The following IGF1R variants were observed in gnomAD, a reference collection of about 807,000 sequenced individuals.
IGF1R encodes the protein insulin like growth factor 1 receptor.
Under a neutral mutation model 144.6 loss-of-function variants are expected in IGF1R, and 44 were observed. That is an observed-to-expected ratio of 0.30 (90% CI 0.24 to 0.39). The LOEUF is 0.39. Ranked by LOEUF, IGF1R falls within the 10% of genes least tolerant of loss-of-function variation. The pLI is 1.00. For missense variants in IGF1R, 1,355 were observed against 1,833.7 expected, an observed-to-expected ratio of 0.74 and a Z score of 4.77; for synonymous variants, 795 against 722.8, an observed-to-expected ratio of 1.10 and a Z score of -1.60.
At chr15:98,768,402 G>T (rs1327917619) in intron 2 of IGF1R, among the ~76,000 whole-genome samples, 2 of 151,610 alleles carry the variant, frequency 1.3e-5, no homozygotes, top group East Asian at 3.9e-4. Context: ...GGATCATGCT[G>T]TCAGGAGATC....
intron 4 of IGF1R, among the ~76,000 whole-genome samples, chr15:98,898,033 G>A (rs1596411313): frequency 6.6e-6 from 1 of 151,954 alleles, no homozygotes; most frequent in Admixed American, 6.6e-5. Context: ...AGAAAGGACA[G>A]AAACAAGTTT....
At chr15:98,796,920 G>A (rs1202455726) in intron 2 of IGF1R, among the ~76,000 whole-genome samples, 7 of 152,206 alleles carry the variant, frequency 4.6e-5, no homozygotes, top group Non-Finnish European at 8.8e-5. Context: ...GACTCCTGTT[G>A]GCTTGTGGAG....
At chr15:98,874,227 G>C (rs1438240284) in intron 2 of IGF1R, among the ~76,000 whole-genome samples, 1 of 152,134 alleles carries the variant, frequency 6.6e-6, no homozygotes, top group East Asian at 1.9e-4. Context: ...TGAAGCAGAA[G>C]AAAAAAGTGG....
rs116751911 is a variant in IGF1R, at chr15:98,688,120, A to G, written c.95-19442A>G. On this transcript the variant is annotated intron_variant, in intron 1 of 20. Transcript: ENST00000650285. ...GCCTGCACCTTACTGAAGGAAGGAC[A>G]TGGTGGCTTCTCAGTGTGCTCTCTG... Among the ~76,000 whole-genome samples, 782 of 152,302 alleles carry G rather than the reference A, an allele frequency of 5.1e-3. 5 individuals are homozygous for G. The highest frequency in any genetic ancestry group is 0.018 in the African/African-American group (752 of 41,574).
rs112367371 is a variant in IGF1R, at chr15:98,817,495, G to T, written c.641-73830G>T. Among the ~76,000 whole-genome samples the T allele has an allele frequency of 1.1e-3, 168 of 152,126 alleles. 1 individual carries two copies. Among genetic ancestry groups the T allele is most frequent in the African/African-American group, 3.6e-3 (151 of 41,504 alleles). ...GTGTGGTTGAGGGGTGCTGTATTAC[G>T]CTGGGTAGTCATTGAGGCCTCTGTG... is the stretch of plus-strand genomic sequence containing the variant. On this transcript the variant is annotated intron_variant, in intron 2 of 20. Transcript: ENST00000650285.
chr15:98,834,862 T>C (rs534790826), intron 2 of IGF1R, among the ~76,000 whole-genome samples: 1 of 152,290 alleles, frequency 6.6e-6, no homozygotes, highest in African/African-American at 2.4e-5. Context: ...CAGAGGTATA[T>C]GCTATTACTT....
chr15:98,899,355 G>A, intron 4 of IGF1R, 122 bp from the exon 5 acceptor site: 1 of 955,564 alleles, frequency 1.0e-6, no homozygotes, highest in Admixed American at 1.9e-5. Context: ...AGCCAGTCCT[G>A]TGCTGGGAGC....
At chr15:98,800,169 T>G (rs531130719) in intron 2 of IGF1R, among the ~76,000 whole-genome samples, 1 of 152,232 alleles carries the variant, frequency 6.6e-6, no homozygotes, top group South Asian at 2.1e-4. Context: ...ACCAGCCTCC[T>G]TGGCCCTTCT....
intron 5 of IGF1R, among the ~76,000 whole-genome samples, chr15:98,905,472 A>T (rs2014687540): frequency 6.6e-6 from 1 of 151,864 alleles, no homozygotes; most frequent in South Asian, 2.1e-4. Flanking sequence ...CCAGGGCAAC[A>T]TAGTGAGATA....
intron 5 of IGF1R, among the ~76,000 whole-genome samples, chr15:98,903,363 C>A (rs1407280869): frequency 6.6e-6 from 1 of 152,150 alleles, no homozygotes; most frequent in Non-Finnish European, 1.5e-5. Flanking sequence ...TTGAAATTCG[C>A]GGATAGGCAT....
intron 2 of IGF1R, among the ~76,000 whole-genome samples, chr15:98,855,374 T>C (rs1227627756): frequency 1.3e-5 from 2 of 152,340 alleles, no homozygotes; most frequent in East Asian, 1.9e-4. Context: ...GAGGGAGTTA[T>C]GAGGATTAAC....
intron 6 of IGF1R, among the ~76,000 whole-genome samples, chr15:98,910,784 G>A (rs922437189): frequency 2.6e-5 from 4 of 152,162 alleles, no homozygotes; most frequent in Non-Finnish European, 5.9e-5. Context: ...GAGTTCCTGT[G>A]TCCTTCCAGT....
intron 2 of IGF1R, among the ~76,000 whole-genome samples, chr15:98,857,282 G>A (rs2011875690): frequency 1.3e-5 from 2 of 152,098 alleles, no homozygotes; most frequent in African/African-American, 2.4e-5. Flanking sequence ...GCAGTGGTGC[G>A]ATCTCGGCTC....
chr15:98,807,500 A>C (rs763767444), intron 2 of IGF1R, among the ~76,000 whole-genome samples: 13 of 152,192 alleles, frequency 8.5e-5, no homozygotes, highest in African/African-American at 3.1e-4. Flanking sequence ...GACTCCTGGC[A>C]TAGTTTTAGG....
chr15:98,821,112 G>A (rs954521171), intron 2 of IGF1R, among the ~76,000 whole-genome samples: 4 of 152,148 alleles, frequency 2.6e-5, no homozygotes, highest in South Asian at 2.1e-4. Flanking sequence ...ATGGATAAAC[G>A]AAGATAGATA....
intron 1 of IGF1R, among the ~76,000 whole-genome samples, chr15:98,655,606 G>A (rs1322903308): frequency 6.6e-6 from 1 of 151,134 alleles, no homozygotes; most frequent in Non-Finnish European, 1.5e-5. Context: ...AGTTTTTAAA[G>A]ATACCCGTCA....
In IGF1R at chr15:98,649,569, C is replaced by A. The variant is rs753085217; in HGVS notation, c.-13C>A. The A allele has an allele frequency of 2.2e-6, 3 of 1,348,712 alleles. No homozygotes were observed. Among genetic ancestry groups the A allele is most frequent in the Admixed American group, 3.6e-5 (2 of 55,098 alleles). The allele number at this position is 1,348,712 out of a possible 1,614,324, so 83.5% of individuals were successfully genotyped here. A position where few individuals can be genotyped will look rare whatever the true frequency, so the allele number is the denominator to read the frequency against. Reference sequence around the variant, plus strand: ...TTTTTTGAGAAAGGGGAATTTCATCCCAAATAAAAGGAATGAAGTCTGGCT... The same window carrying A: ...TTTTTTGAGAAAGGGGAATTTCATCACAAATAAAAGGAATGAAGTCTGGCT... On this transcript the variant is annotated 5_prime_UTR_variant, in exon 1 of 21. Transcript: ENST00000650285.
At chr15:98,727,490 G>A (rs1188029857) in intron 2 of IGF1R, among the ~76,000 whole-genome samples, 1 of 152,176 alleles carries the variant, frequency 6.6e-6, no homozygotes, top group Non-Finnish European at 1.5e-5. Context: ...CTTTCTCAGG[G>A]AGATAAAGGT....
At chr15:98,912,746 G>T (rs567320075) in intron 7 of IGF1R, among the ~76,000 whole-genome samples, 1 of 152,212 alleles carries the variant, frequency 6.6e-6, no homozygotes, top group East Asian at 1.9e-4. Flanking sequence ...ATGAAAAAAT[G>T]CTGCAATCAG....
Sources: allele counts gnomAD v4.1 joint callset (sites outside exome capture counted in the v4.1 genomes callset), GRCh38; gene constraint gnomAD v4.1.1; transcripts MANE v1.5; gene names NCBI Gene and HGNC (gene_info 2026-07-23, HGNC 2026-07-21).